TIAM2: variants seen among roughly 807,000 people sequenced by gnomAD.
TIAM2 encodes TIAM Rac1 associated GEF 2.
A neutral mutation model predicts 152.9 loss-of-function variants in TIAM2; 80 were observed. That is an observed-to-expected ratio of 0.52 (90% CI 0.44 to 0.63). The LOEUF (loss-of-function observed/expected upper bound fraction) is 0.63. Among genes scored for constraint, TIAM2 ranks in the 30% least tolerant of loss-of-function variants. TIAM2 has a pLI of 0.00. For missense variants in TIAM2, 1,965 were observed against 2,120.1 expected, an observed-to-expected ratio of 0.93 and a Z score of 1.44; for synonymous variants, 804 against 838.0, an observed-to-expected ratio of 0.96 and a Z score of 0.70.
intron 1 of TIAM2, among the ~76,000 whole-genome samples, chr6:155,079,174 A>T (rs535391551): frequency 6.6e-6 from 1 of 151,826 alleles, no homozygotes; most frequent in Admixed American, 6.6e-5. Context: ...CGATTCTCCC[A>T]CGTCAGCCTC....
intron 14 of TIAM2, among the ~76,000 whole-genome samples, chr6:155,201,061 C>A (rs1180503832): frequency 6.6e-6 from 1 of 152,156 alleles, no homozygotes; most frequent in Non-Finnish European, 1.5e-5. Context: ...AATGAAAATA[C>A]AATGTGTAAC....
chr6:155,049,027 CT>C (rs1777265942), intron 1 of TIAM2, among the ~76,000 whole-genome samples: 2 of 152,162 alleles, frequency 1.3e-5, no homozygotes, highest in Non-Finnish European at 2.9e-5. Flanking sequence ...TCTCGAACTC[CT>C]GACCTCAAGT....
chr6:155,212,695 C>T (rs375409869), intron 15 of TIAM2, among the ~76,000 whole-genome samples: 5 of 95,552 alleles, frequency 5.2e-5, no homozygotes, highest in African/African-American at 2.3e-4. Context: ...TAGGCCCACT[C>T]GGCCCACTCG....
intron 25 of TIAM2, 170 bp downstream of exon 25, chr6:155,254,230 A>T (rs1783860117): frequency 1.0e-6 from 1 of 998,150 alleles, no homozygotes; most frequent in Non-Finnish European, 1.5e-6. Flanking sequence ...TGATTAAATA[A>T]ATATCAAAAT....
intron 15 of TIAM2, among the ~76,000 whole-genome samples, chr6:155,228,724 T>C (rs77540678): frequency 6.6e-6 from 1 of 152,270 alleles, no homozygotes; most frequent in East Asian, 1.9e-4. Flanking sequence ...TATTCATTCC[T>C]GAATTCCGAC....
At chr6:155,142,693 C>T (rs1201286728) in intron 5 of TIAM2, among the ~76,000 whole-genome samples, 5 of 152,238 alleles carry the variant, frequency 3.3e-5, no homozygotes, top group African/African-American at 1.2e-4. Context: ...CAAGAAGCAG[C>T]TCTGGCTGTA....
intron 1 of TIAM2, among the ~76,000 whole-genome samples, chr6:155,036,530 AAAAG>A (rs1378949002): frequency 1.3e-5 from 2 of 151,576 alleles, no homozygotes; most frequent in African/African-American, 2.4e-5. Flanking sequence ...AAAAAAAAAA[AAAAG>A]AGTGTGTTGA....
chr6:155,208,850 G>A (rs1583250571), intron 14 of TIAM2, among the ~76,000 whole-genome samples: 1 of 151,738 alleles, frequency 6.6e-6, no homozygotes. Context: ...TCCGTCCATC[G>A]AGGACACTCT....
At chr6:155,112,163 T>C (rs900689719) in intron 2 of TIAM2, among the ~76,000 whole-genome samples, 1 of 150,340 alleles carries the variant, frequency 6.7e-6, no homozygotes, top group African/African-American at 2.5e-5. Flanking sequence ...TCTTGCTCTG[T>C]TGCCCAGGCT....
At chr6:155,187,611 C>CTTTTTTTT (rs1781079830) in intron 14 of TIAM2, among the ~76,000 whole-genome samples, 6 of 79,678 alleles carry the variant, frequency 7.5e-5, no homozygotes, top group African/African-American at 1.4e-4. Context: ...TGAAGTTTTG[C>CTTTTTTTT]TCTTGTTGCC....
intron 7 of TIAM2, among the ~76,000 whole-genome samples, chr6:155,153,913 A>G (rs772724762): frequency 6.6e-6 from 1 of 152,132 alleles, no homozygotes. Flanking sequence ...TGAAACCACT[A>G]TACCTGGCCA....
intron 1 of TIAM2, among the ~76,000 whole-genome samples, chr6:155,067,830 C>T (rs1233409813): frequency 2.0e-5 from 3 of 151,998 alleles, no homozygotes; most frequent in African/African-American, 4.8e-5. Flanking sequence ...TTTGTAGTGA[C>T]GGGCTTTTCC....
At chr6:155,250,727 C>T in intron 21 of TIAM2, 186 bp from the exon 22 acceptor site, 1 of 1,166,200 alleles carries the variant, frequency 8.6e-7, no homozygotes, top group Non-Finnish European at 1.2e-6. Flanking sequence ...ATTCATCAGA[C>T]ACTTGGGTGC....
chr6:155,250,449 T>G, intron 21 of TIAM2: 4 of 1,042,140 alleles, frequency 3.8e-6, no homozygotes, highest in Non-Finnish European at 5.5e-6. Flanking sequence ...GGAAGTAGCA[T>G]AGTTTAGGGA....
rs922332523 is a variant in TIAM2 at position 155,038,504 on chromosome 6, G to A, written c.-209+43012G>A. On this transcript the variant is annotated intron_variant, in intron 1 of 26. Coordinates refer to ENST00000682666, the MANE Select transcript of TIAM2 (RefSeq NM_012454.4). ...AGGTGCTGCGCCAAGCACTGTGTGC[G>A]TGCTCCCTTTGCTTTCGGTCTCTGT... is the stretch of plus-strand genomic sequence containing the variant. 3.9e-5 allele frequency among the ~76,000 whole-genome samples: 6 copies of A among 152,338 alleles called. No homozygotes were observed. In the South Asian group the frequency reaches 8.3e-4, roughly 21 times the overall value.
At chr6:155,087,680 C>T (rs564766079) in intron 1 of TIAM2, among the ~76,000 whole-genome samples, 5 of 151,808 alleles carry the variant, frequency 3.3e-5, no homozygotes, top group South Asian at 2.1e-4. Flanking sequence ...ACTCGGGAGG[C>T]GGAGGTTGCA....
intron 15 of TIAM2, among the ~76,000 whole-genome samples, chr6:155,234,547 C>T (rs1782646543): frequency 6.6e-6 from 1 of 152,228 alleles, no homozygotes; most frequent in African/African-American, 2.4e-5. Flanking sequence ...GGACCATAGG[C>T]GTGTGCCACC....
intron 1 of TIAM2, among the ~76,000 whole-genome samples, chr6:155,029,073 A>C (rs1391508150): frequency 1.0e-5 from 1 of 95,492 alleles, no homozygotes; most frequent in Non-Finnish European, 2.0e-5. Context: ...TATATACTAT[A>C]TATACTGTTA....
chr6:155,168,060 C>T (rs1291838311), intron 9 of TIAM2, among the ~76,000 whole-genome samples: 1 of 152,052 alleles, frequency 6.6e-6, no homozygotes, highest in Non-Finnish European at 1.5e-5. Context: ...AAACTAATTA[C>T]AGTGTCAGTA....
Sources: allele counts gnomAD v4.1 joint callset (sites outside exome capture counted in the v4.1 genomes callset), GRCh38; gene constraint gnomAD v4.1.1; transcripts MANE v1.5; gene names NCBI Gene and HGNC (gene_info 2026-07-23, HGNC 2026-07-21).